Variants in GPRC5B observed in about 807,000 individuals in gnomAD.
GPRC5B encodes G protein-coupled receptor family C group 5 member B.
In GPRC5B, 16 loss-of-function variants were observed where a neutral mutation model predicts 30.1. That is an observed-to-expected ratio of 0.53 (90% CI 0.36 to 0.81). GPRC5B has a LOEUF of 0.81. Among genes scored for constraint, GPRC5B ranks in the 30% least tolerant of loss-of-function variants. The pLI is 0.01. For missense variants in GPRC5B, 428 were observed against 544.7 expected (o/e 0.79, Z 2.13); for synonymous variants, 241 against 239.5 (o/e 1.01, Z -0.06).
rs2056725560 is a variant in GPRC5B, at chr16:19,872,157, T to C, written c.689A>G (p.Lys230Arg). The change falls in exon 2 of 4, where the codon AAG becomes AGG. Residue 230 changes from lysine to arginine, a missense_variant. Physicochemically the swap from Lys to Arg is conservative, Grantham distance 26. Transcript: ENST00000300571. This position sits in a 1 kb window ranked among gnomAD's most constrained non-coding sequence, Gnocchi z 5.0. ...GATGAGGAGGAAGGCCCCGTTCAGC[T>C]TCCACCTCTTGAACTTGCCGCACAG... The part of the protein sequence containing the change: ...FTLCGKFKRW[K>R]LNGAFLLITA... 2 of 1,613,994 alleles carry C rather than the reference T, an allele frequency of 1.2e-6. No individual in the cohort carries two copies. Among genetic ancestry groups the C allele is most frequent in the African/African-American group, 2.7e-5 (2 of 74,906 alleles).
chr16:19,874,377 C>A (rs535719363), intron 1 of GPRC5B, among the ~76,000 whole-genome samples: 2 of 152,302 alleles, frequency 1.3e-5, no homozygotes, highest in East Asian at 3.9e-4. Context: ...AGGTCACACC[C>A]CAGTCCTCTC....
rs1211213016 is a variant in GPRC5B, at chr16:19,857,611, CATCATTGGATTAT to C, written c.*2876_*2888del. On this transcript the variant is annotated 3_prime_UTR_variant, in exon 4 of 4. Coordinates refer to ENST00000300571, the MANE Select transcript of GPRC5B (RefSeq NM_016235.3). The stretch of plus-strand genomic sequence containing the variant: ...CTCCTGTAAGCTGGTATCATCATTG[CATCATTGGATTAT>C]AAAAGCCACAATGCTCCCTTTCAAC... 5 of 311,912 alleles carry C rather than the reference CATCATTGGATTAT, an allele frequency of 1.6e-5. No homozygotes were observed. The highest frequency in any genetic ancestry group is 1.1e-4 in the African/African-American group (5 of 43,852). 19.3% of individuals were successfully genotyped at this position (311,912 alleles called of 1,614,324 possible). A position where few individuals can be genotyped will look rare whatever the true frequency, so the allele number is the denominator to read the frequency against.
chr16:19,862,280 C>T (rs1474365098), intron 2 of GPRC5B: 5 of 339,258 alleles, frequency 1.5e-5, no homozygotes, highest in Non-Finnish European at 2.7e-5. Context: ...GGGTGACAGG[C>T]GCCTTCTCAC....
chr16:19,884,321 C>A (rs980075436), intron 1 of GPRC5B, among the ~76,000 whole-genome samples: 5 of 151,438 alleles, frequency 3.3e-5, no homozygotes, highest in Non-Finnish European at 5.9e-5. Flanking sequence ...CACAGTCAGC[C>A]CCCAACGCGG....
At chr16:19,870,794 C>G (rs1415794884) in intron 2 of GPRC5B, among the ~76,000 whole-genome samples, 4 of 152,272 alleles carry the variant, frequency 2.6e-5, no homozygotes, top group Non-Finnish European at 1.5e-5. Context: ...GGATTCCCAT[C>G]TAAAGGGCAG....
chr16:19,877,507 T>G (rs1184407376), intron 1 of GPRC5B, among the ~76,000 whole-genome samples: 1 of 152,098 alleles, frequency 6.6e-6, no homozygotes, highest in African/African-American at 2.4e-5. Flanking sequence ...GTGTGGCACA[T>G]TGCCTCACAG....
rs1021622572 is a variant in GPRC5B, at chr16:19,857,242, G to A, written c.*3258C>T. ...ACAGACCGACCCTCAAGGCAGATCC[G>A]AAAGCCTAGTAGTTAGTTGCACTGG... is the stretch of plus-strand genomic sequence containing the variant. On this transcript the variant is annotated 3_prime_UTR_variant, in exon 4 of 4. Coordinates refer to ENST00000300571, the MANE Select transcript of GPRC5B (RefSeq NM_016235.3). 5 of 296,900 alleles carry A rather than the reference G, an allele frequency of 1.7e-5. No homozygotes were observed. Among genetic ancestry groups the A allele is most frequent in the East Asian group, 1.1e-4 (1 of 8,726 alleles). The allele number at this position is 296,900 out of a possible 1,614,324, so 18.4% of individuals were successfully genotyped here. A position where few individuals can be genotyped will look rare whatever the true frequency, so the allele number is the denominator to read the frequency against.
intron 1 of GPRC5B, among the ~76,000 whole-genome samples, chr16:19,878,662 T>C (rs143429666): frequency 2.0e-5 from 3 of 152,216 alleles, no homozygotes; most frequent in Non-Finnish European, 4.4e-5. Flanking sequence ...AACCCCTACC[T>C]CATGCCCGGG....
chr16:19,885,130 C>G, upstream of GPRC5B: 1 of 1,061,224 alleles, frequency 9.4e-7, no homozygotes, highest in East Asian at 6.1e-5. This position sits in a 1 kb window ranked among gnomAD's most constrained non-coding sequence, Gnocchi z 5.3. Context: ...CGCCCGTAAG[C>G]AGTCCAGACG....
chr16:19,876,105 G>T (rs986568639), intron 1 of GPRC5B, among the ~76,000 whole-genome samples: 1 of 152,212 alleles, frequency 6.6e-6, no homozygotes, highest in Non-Finnish European at 1.5e-5. Context: ...TCCAGCCCCA[G>T]GGTGGCTGGG....
chr16:19,874,511 T>C (rs1042426591), intron 1 of GPRC5B, among the ~76,000 whole-genome samples: 1 of 152,218 alleles, frequency 6.6e-6, no homozygotes, highest in Non-Finnish European at 1.5e-5. Context: ...GGCAGGGACA[T>C]GGTCTCTCTT....
rs757306286 is a variant in GPRC5B at position 19,860,449 on chromosome 16, A to T, written c.*51T>A. On this transcript the variant is annotated 3_prime_UTR_variant, in exon 4 of 4. Coordinates refer to ENST00000300571, the MANE Select transcript of GPRC5B (RefSeq NM_016235.3). ...TTTCTCCCTCAAGAAAGACACAGCCAGGGAGGCAAATCGGTAAGAGAAATT... is the reference window on the plus strand; with the variant it reads ...TTTCTCCCTCAAGAAAGACACAGCCTGGGAGGCAAATCGGTAAGAGAAATT... The T allele has an allele frequency of 8.7e-6, 10 of 1,152,526 alleles. No homozygotes were observed. The South Asian group carries it at 1.2e-4, about 14-fold the overall frequency. The allele number at this position is 1,152,526 out of a possible 1,614,324, so 71.4% of individuals were successfully genotyped here.
chr16:19,883,544 G>A, intron 1 of GPRC5B, among the ~76,000 whole-genome samples: 1 of 152,300 alleles, frequency 6.6e-6, no homozygotes, highest in Non-Finnish European at 1.5e-5. Context: ...AAGTGCCGGG[G>A]TTTTTGTGCC....
At chr16:19,871,236 TC>T (rs979212178) in intron 2 of GPRC5B, among the ~76,000 whole-genome samples, 16 of 125,808 alleles carry the variant, frequency 1.3e-4, no homozygotes, top group African/African-American at 5.1e-4. Flanking sequence ...TGAGCTATGA[TC>T]ACACTGTTGC....
intron 1 of GPRC5B, among the ~76,000 whole-genome samples, chr16:19,879,479 G>T (rs1228253384): frequency 6.6e-6 from 1 of 151,906 alleles, no homozygotes. Flanking sequence ...TCTGCAGAGG[G>T]GCCAGAAGCA....
chr16:19,867,357 T>G (rs113524141), intron 2 of GPRC5B, among the ~76,000 whole-genome samples: 4 of 152,358 alleles, frequency 2.6e-5, no homozygotes, highest in African/African-American at 9.6e-5. Context: ...CTGCTTAGCC[T>G]CTCTGTGCCT....
intron 1 of GPRC5B, among the ~76,000 whole-genome samples, chr16:19,884,397 C>G (rs578103204): frequency 6.6e-6 from 1 of 151,514 alleles, no homozygotes. Context: ...GCTCCTTTAC[C>G]CTCCCAGCTG....
Position 19,861,903 on chromosome 16 carries a change from G to C in GPRC5B, c.1101C>G (p.Pro367=), listed in dbSNP as rs2056627063. 1 of 1,613,174 alleles carries C rather than the reference G, an allele frequency of 6.2e-7. No homozygotes were observed. Among genetic ancestry groups the C allele is most frequent in the Non-Finnish European group, 8.5e-7 (1 of 1,179,292 alleles). The stretch of plus-strand genomic sequence containing the variant: ...ACACGTTGCTTCTAAACGGAGCGCT[G>C]GGTCTTTTCCCCAAGCTGCCACTGG... ...KRPSGSLGKR[P]SAPFRSNVYQ... Residue 367 remains proline, a synonymous_variant, in exon 3 of 4, where the codon CCC becomes CCG. Transcript: ENST00000300571.
In GPRC5B at chr16:19,857,745, TAAA is replaced by T. The variant is rs397937342; in HGVS notation, c.*2752_*2754del. ...CAGTGGGTCCTGACGGCATCTGGGCTAAAAAAAAAAAAAAAAAAAAGCACTGGG... is the reference window on the plus strand; with the variant it reads ...CAGTGGGTCCTGACGGCATCTGGGCTAAAAAAAAAAAAAAAAAGCACTGGG... On this transcript the variant is annotated 3_prime_UTR_variant, in exon 4 of 4. Coordinates refer to ENST00000300571, the MANE Select transcript of GPRC5B (RefSeq NM_016235.3). 2,389 of 98,560 alleles carry T rather than the reference TAAA, an allele frequency of 0.024. 72 individuals carry two copies. Among genetic ancestry groups the T allele is most frequent in the African/African-American group, 0.083 (2,249 of 27,056 alleles). The allele number at this position is 98,560 out of a possible 1,614,324, so 6.1% of individuals were successfully genotyped here.
Sources: allele counts gnomAD v4.1 joint callset (sites outside exome capture counted in the v4.1 genomes callset), GRCh38; gene constraint gnomAD v4.1.1; non-coding constraint Gnocchi (gnomAD v3.1); transcripts MANE v1.5; gene names NCBI Gene and HGNC (gene_info 2026-07-23, HGNC 2026-07-21).